The following FGF2 variants were observed in gnomAD, a reference collection of about 807,000 sequenced individuals.
FGF2 encodes basic fibroblast growth factor bFGF.
FGF2 carries 13 observed loss-of-function variants against 15.9 expected under a neutral mutation model. The ratio of observed to expected loss-of-function variants is 0.82; its 90% confidence interval spans 0.53 to 1.30. The LOEUF (loss-of-function observed/expected upper bound fraction) is 1.30, where lower values mean the gene tolerates loss of function less well. Ranked by LOEUF, FGF2 falls within the 50% of genes most tolerant of loss-of-function variation. FGF2 has a pLI of 0.00. For missense variants in FGF2, 163 were observed against 196.9 expected (o/e 0.83, Z 1.03); for synonymous variants, 90 against 78.4 (o/e 1.15, Z -0.78).
intron 2 of FGF2, among the ~76,000 whole-genome samples, chr4:122,891,358 A>C (rs1256168199): frequency 6.6e-6 from 1 of 151,718 alleles, no homozygotes; most frequent in Non-Finnish European, 1.5e-5. Context: ...ATCTTAAATA[A>C]TGTGGTAGCT....
chr4:122,861,769 T>A (rs1176368200), intron 1 of FGF2, among the ~76,000 whole-genome samples: 1 of 152,154 alleles, frequency 6.6e-6, no homozygotes, highest in Non-Finnish European at 1.5e-5. Flanking sequence ...CACACATACA[T>A]ACCCCTACAC....
intron 2 of FGF2, chr4:122,882,201 T>C (rs894865269): frequency 1.3e-5 from 2 of 152,338 alleles, no homozygotes; most frequent in African/African-American, 4.8e-5. Flanking sequence ...ATGGTGACTC[T>C]GTAAGATAAT....
chr4:122,846,853 T>G (rs538732284), intron 1 of FGF2, among the ~76,000 whole-genome samples: 1 of 152,152 alleles, frequency 6.6e-6, no homozygotes, highest in Admixed American at 6.5e-5. Flanking sequence ...AGGAGAGAGA[T>G]AGGATAGCAG....
At chr4:122,887,233 C>T (rs1449818457) in intron 2 of FGF2, among the ~76,000 whole-genome samples, 1 of 152,074 alleles carries the variant, frequency 6.6e-6, no homozygotes, top group Admixed American at 6.6e-5. Flanking sequence ...AGAATCACTT[C>T]AACCTGGGAG....
At chr4:122,834,963 T>C (rs1218580452) in intron 1 of FGF2, among the ~76,000 whole-genome samples, 2 of 152,200 alleles carry the variant, frequency 1.3e-5, no homozygotes, top group South Asian at 2.1e-4. Flanking sequence ...GTTTTTTGCA[T>C]GTCTGACACC....
intron 1 of FGF2, among the ~76,000 whole-genome samples, chr4:122,833,179 A>ATG (rs139686023): frequency 0.01 from 1,508 of 149,048 alleles, 10 homozygotes; most frequent in African/African-American, 0.021. Context: ...TGTATAATGG[A>ATG]TGTGTGTGTG....
chr4:122,844,891 C>T (rs1043109852), intron 1 of FGF2, among the ~76,000 whole-genome samples: 1 of 152,182 alleles, frequency 6.6e-6, no homozygotes, highest in Admixed American at 6.5e-5. Context: ...TCTGCCTTGG[C>T]TTCCCAAAAT....
chr4:122,828,615 A>G lies in FGF2; in HGVS notation c.178+1263A>G, dbSNP rs71606265. 4.6e-5 allele frequency among the ~76,000 whole-genome samples: 7 copies of G among 152,352 alleles called. No homozygotes were observed. The South Asian group carries it at 1.2e-3, about 27-fold the overall frequency. ...GGCTGGAAGAGAAGAAAATTCTACA[A>G]CCAAACGTGAATTGGCAGAAGAATG... On this transcript the variant is annotated intron_variant, in intron 1 of 2. Transcript: ENST00000644866.
chr4:122,852,372 A>C (rs937091401), intron 1 of FGF2, among the ~76,000 whole-genome samples: 2 of 152,162 alleles, frequency 1.3e-5, no homozygotes, highest in African/African-American at 4.8e-5. Context: ...CAGTGGCTGG[A>C]TCTCAAGAGG....
At chr4:122,829,481 C>G (rs1432522900) in intron 1 of FGF2, among the ~76,000 whole-genome samples, 1 of 152,188 alleles carries the variant, frequency 6.6e-6, no homozygotes, top group African/African-American at 2.4e-5. Context: ...AACTTTATAA[C>G]TAGCTAAGGA....
chr4:122,890,230 T>A (rs1293597975), intron 2 of FGF2: 1 of 152,188 alleles, frequency 6.6e-6, no homozygotes, highest in Non-Finnish European at 1.5e-5. Flanking sequence ...ATTTGGAATA[T>A]ATTGGTCTAT....
chr4:122,832,117 C>T (rs1725777372), intron 1 of FGF2, among the ~76,000 whole-genome samples: 2 of 152,096 alleles, frequency 1.3e-5, no homozygotes, highest in South Asian at 4.1e-4. Flanking sequence ...TTTTCCAATT[C>T]TAGTGTTTGT....
intron 2 of FGF2, among the ~76,000 whole-genome samples, chr4:122,884,921 C>A (rs746129639): frequency 6.6e-6 from 1 of 152,118 alleles, no homozygotes; most frequent in Non-Finnish European, 1.5e-5. Flanking sequence ...ACCATCTAAT[C>A]CAATCTTCTT....
At chr4:122,831,440 G>T (rs890349721) in intron 1 of FGF2, among the ~76,000 whole-genome samples, 1 of 152,120 alleles carries the variant, frequency 6.6e-6, no homozygotes, top group African/African-American at 2.4e-5. Context: ...GGGGTAAATA[G>T]AACCATTGAT....
chr4:122,839,145 A>T (rs1725924536), intron 1 of FGF2, among the ~76,000 whole-genome samples: 1 of 152,174 alleles, frequency 6.6e-6, no homozygotes, highest in African/African-American at 2.4e-5. Context: ...CATTTCTCAG[A>T]ATGTATCCCC....
chr4:122,840,619 A>G (rs1725962551), intron 1 of FGF2: 1 of 182,330 alleles, frequency 5.5e-6, no homozygotes, highest in Non-Finnish European at 1.2e-5. Context: ...TGAAGCCCAC[A>G]CGAACCAAAT....
chr4:122,888,488 A>G (rs866573814), intron 2 of FGF2, among the ~76,000 whole-genome samples: 1 of 152,148 alleles, frequency 6.6e-6, no homozygotes, highest in African/African-American at 2.4e-5. Flanking sequence ...AATATTTACA[A>G]TAGCCTACAA....
chr4:122,848,519 C>T (rs544219951), intron 1 of FGF2, among the ~76,000 whole-genome samples: 6 of 152,248 alleles, frequency 3.9e-5, no homozygotes, highest in African/African-American at 1.4e-4. Flanking sequence ...TAAACAATTG[C>T]TGCTGGGCCT....
chr4:122,879,076 G>A (rs888507341), intron 2 of FGF2, among the ~76,000 whole-genome samples: 3 of 152,154 alleles, frequency 2.0e-5, no homozygotes, highest in Non-Finnish European at 2.9e-5. Context: ...TAGTTAAATT[G>A]GGGGAATGTA....
Sources: gnomAD v4.1 joint callset for allele counts (sites outside exome capture counted in the v4.1 genomes callset) on GRCh38, gnomAD v4.1.1 for gene constraint, MANE v1.5 for transcripts, NCBI Gene and HGNC (gene_info 2026-07-23, HGNC 2026-07-21) for gene names.